The following SRPK2 variants were observed in gnomAD, a reference collection of about 807,000 sequenced individuals.
SRPK2 encodes the protein SRSF protein kinase 2, also known as SFRS protein kinase 2.
A neutral mutation model predicts 90.8 loss-of-function variants in SRPK2; 21 were observed. The ratio of observed to expected loss-of-function variants is 0.23; its 90% CI spans 0.16 to 0.33. SRPK2 has a LOEUF of 0.33. Among genes scored for constraint, SRPK2 ranks in the 10% least tolerant of loss-of-function variants. SRPK2 has a pLI of 1.00. For missense variants in SRPK2, 620 were observed against 869.0 expected, an observed-to-expected ratio of 0.71 and a Z score of 3.60; for synonymous variants, 288 against 311.1, an observed-to-expected ratio of 0.93 and a Z score of 0.78.
intron 1 of SRPK2, among the ~76,000 whole-genome samples, chr7:105,395,875 AG>A (rs1822307293): frequency 6.6e-6 from 1 of 152,190 alleles, no homozygotes; most frequent in African/African-American, 2.4e-5. Flanking sequence ...ATTATCAATT[AG>A]CTTTACACAT....
chr7:105,343,490 T>TG (rs1350878317), intron 2 of SRPK2, among the ~76,000 whole-genome samples: 1 of 152,142 alleles, frequency 6.6e-6, no homozygotes, highest in Non-Finnish European at 1.5e-5. Context: ...TTAGCAGTAA[T>TG]GGAGTCTTTG....
intron 4 of SRPK2, 88 bp downstream of exon 4, chr7:105,169,069 G>A (rs1790473183): frequency 1.2e-5 from 14 of 1,134,462 alleles, no homozygotes; most frequent in African/African-American, 1.5e-5. Context: ...CCTCAACAAA[G>A]CAGTGGTGAC....
At chr7:105,349,307 G>A (rs945372921) in intron 2 of SRPK2, among the ~76,000 whole-genome samples, 2 of 152,004 alleles carry the variant, frequency 1.3e-5, no homozygotes, top group Non-Finnish European at 2.9e-5. Flanking sequence ...CGGATCACTG[G>A]AGGTTGGGAG....
At chr7:105,293,436 A>G (rs981831067) in intron 2 of SRPK2, among the ~76,000 whole-genome samples, 2 of 140,044 alleles carry the variant, frequency 1.4e-5, no homozygotes, top group African/African-American at 5.7e-5. Flanking sequence ...GTAGATACAA[A>G]TATCATTTCC....
chr7:105,285,152 G>T (rs764336414), intron 2 of SRPK2, among the ~76,000 whole-genome samples: 3 of 152,172 alleles, frequency 2.0e-5, no homozygotes, highest in Admixed American at 6.6e-5. Context: ...TTGGAAGCCC[G>T]AGGCAGGAGG....
chr7:105,326,784 G>A (rs888682796), intron 2 of SRPK2, among the ~76,000 whole-genome samples: 10 of 152,180 alleles, frequency 6.6e-5, no homozygotes, highest in African/African-American at 2.2e-4. Context: ...AAAGGTGGCC[G>A]GGCGCGGTGG....
intron 2 of SRPK2, among the ~76,000 whole-genome samples, chr7:105,280,435 AG>A (rs1403887000): frequency 1.3e-5 from 2 of 151,832 alleles, no homozygotes; most frequent in Non-Finnish European, 2.9e-5. Flanking sequence ...AAAAAAAAAA[AG>A]TCAAAAATTA....
intron 2 of SRPK2, among the ~76,000 whole-genome samples, chr7:105,242,030 A>G (rs2129624459): frequency 6.6e-6 from 1 of 152,336 alleles, no homozygotes; most frequent in East Asian, 1.9e-4. Flanking sequence ...CATATTTAAA[A>G]TAAAAATTTA....
chr7:105,192,665 C>G (rs2129605911), intron 3 of SRPK2, among the ~76,000 whole-genome samples: 1 of 152,326 alleles, frequency 6.6e-6, no homozygotes, highest in African/African-American at 2.4e-5. Flanking sequence ...TTCCCACCAG[C>G]AGTGTAGAAG....
intron 2 of SRPK2, among the ~76,000 whole-genome samples, chr7:105,260,861 C>T (rs545416044): frequency 3.5e-5 from 5 of 142,996 alleles, no homozygotes; most frequent in Admixed American, 7.1e-5. Flanking sequence ...GGGCGGGGAA[C>T]ATCACACACT....
chr7:105,302,609 T>A (rs767089210), intron 2 of SRPK2, among the ~76,000 whole-genome samples: 5 of 152,184 alleles, frequency 3.3e-5, no homozygotes, highest in Non-Finnish European at 5.9e-5. Flanking sequence ...TACATGATAC[T>A]TTTTCTAGTT....
chr7:105,203,098 C>G (rs1270216307), intron 3 of SRPK2, among the ~76,000 whole-genome samples: 1 of 152,180 alleles, frequency 6.6e-6, no homozygotes, highest in Non-Finnish European at 1.5e-5. Flanking sequence ...AAGTGTTCCT[C>G]CCACCTTAGC....
At chr7:105,140,707 A>G (rs1803614684) in intron 11 of SRPK2, among the ~76,000 whole-genome samples, 1 of 152,180 alleles carries the variant, frequency 6.6e-6, no homozygotes, top group Non-Finnish European at 1.5e-5. Context: ...TCACGCCTGT[A>G]ATCCCAGCAC....
chr7:105,372,718 T>A (rs1819839707), intron 2 of SRPK2, among the ~76,000 whole-genome samples: 1 of 152,190 alleles, frequency 6.6e-6, no homozygotes, highest in Admixed American at 6.6e-5. Flanking sequence ...AGGTAATGAT[T>A]TTTTTTAATA....
chr7:105,378,136 C>A lies in SRPK2; in HGVS notation c.71+10512G>T, dbSNP rs921076782. Among the ~76,000 whole-genome samples, 6 of 152,258 alleles carry A rather than the reference C, an allele frequency of 3.9e-5. No individual in the cohort carries two copies. The East Asian group carries it at 7.7e-4, about 20-fold the overall frequency. The stretch of plus-strand genomic sequence containing the variant: ...TTCCAAGACTACACGCCATTTTAAA[C>A]CCCACATGTTGACACCAACTGCAGT... On this transcript the variant is annotated intron_variant, in intron 2 of 15. Coordinates refer to ENST00000393651, the MANE Select transcript of SRPK2 (RefSeq NM_182692.3).
chr7:105,336,315 GCTTGA>G (rs996169639), intron 2 of SRPK2, among the ~76,000 whole-genome samples: 2 of 152,130 alleles, frequency 1.3e-5, no homozygotes, highest in African/African-American at 4.8e-5. Flanking sequence ...CAAAATGGTG[GCTTGA>G]CTTTTGACAG....
intron 2 of SRPK2, among the ~76,000 whole-genome samples, chr7:105,207,917 T>C (rs1796404721): frequency 6.6e-6 from 1 of 152,138 alleles, no homozygotes; most frequent in Non-Finnish European, 1.5e-5. Flanking sequence ...GTGACTTGTA[T>C]CTAGAATATA....
intron 11 of SRPK2, among the ~76,000 whole-genome samples, chr7:105,138,850 T>TA (rs1336790753): frequency 6.6e-6 from 1 of 152,210 alleles, no homozygotes; most frequent in Admixed American, 6.5e-5. Flanking sequence ...GTAATAGTAT[T>TA]ATTGTTACAA....
intron 2 of SRPK2, among the ~76,000 whole-genome samples, chr7:105,235,144 G>A (rs1255706088): frequency 6.6e-6 from 1 of 152,188 alleles, no homozygotes; most frequent in African/African-American, 2.4e-5. Flanking sequence ...GGCAGACAGG[G>A]TAATGTAATT....
Sources: allele counts gnomAD v4.1 joint callset (sites outside exome capture counted in the v4.1 genomes callset), GRCh38; gene constraint gnomAD v4.1.1; transcripts MANE v1.5; gene names NCBI Gene and HGNC (gene_info 2026-07-23, HGNC 2026-07-21).